The following ZNF234 variants were observed in gnomAD, a reference collection of about 807,000 sequenced individuals.
ZNF234 encodes C2-H2 type zinc finger protein.
ZNF234 carries 4 observed loss-of-function variants against 10.3 expected under a neutral mutation model. That is an observed-to-expected ratio of 0.39 (90% CI 0.19 to 0.89). ZNF234 has a LOEUF of 0.89. Among genes scored for constraint, ZNF234 ranks in the 40% least tolerant of loss-of-function variants. The pLI is 0.38. For missense variants in ZNF234, 711 were observed against 836.1 expected, an observed-to-expected ratio of 0.85 and a Z score of 1.85; for synonymous variants, 258 against 280.1, an observed-to-expected ratio of 0.92 and a Z score of 0.79.
Position 44,157,556 on chromosome 19 carries a change from T to A in ZNF234, c.1540T>A (p.Cys514Ser). 6.2e-7 allele frequency: 1 copy of A among 1,614,160 alleles called. No homozygotes were observed. Among genetic ancestry groups the A allele is most frequent in the Non-Finnish European group, 8.5e-7 (1 of 1,180,034 alleles). Residue 514 changes from cysteine to serine, a missense_variant, in exon 6 of 6, where the codon TGT becomes AGT. Physicochemically the swap from Cys to Ser is moderately radical, Grantham distance 112. Coordinates refer to ENST00000426739, the MANE Select transcript of ZNF234 (RefSeq NM_006630.3). ...CCACACAGGGGAGAAACCATATAAT[T>A]GTGAGGAGTGTGGGAAGGTCTTCAG... ...RIHTGEKPYNCEECGKVFSQA... is the reference protein window; with the variant it reads ...RIHTGEKPYNSEECGKVFSQA...
intron 5 of ZNF234, among the ~76,000 whole-genome samples, chr19:44,151,578 G>C (rs887336985): frequency 2.0e-5 from 3 of 152,162 alleles, no homozygotes; most frequent in African/African-American, 7.2e-5. Flanking sequence ...TTGTCTTTCA[G>C]TTCTTTGTTT....
intron 2 of ZNF234, among the ~76,000 whole-genome samples, chr19:44,144,086 A>T (rs569809768): frequency 1.3e-4 from 20 of 152,120 alleles, no homozygotes; most frequent in Admixed American, 1.2e-3. Context: ...AACTTTGCTG[A>T]GTGTAGTAAT....
At chr19:44,155,009 G>T (rs1176695140) in intron 5 of ZNF234, among the ~76,000 whole-genome samples, 1 of 152,004 alleles carries the variant, frequency 6.6e-6, no homozygotes, top group Non-Finnish European at 1.5e-5. Context: ...TTCCTTAGAG[G>T]TACGTCTTTC....
chr19:44,148,960 G>C (rs1017411564), intron 4 of ZNF234, 63 bp downstream of exon 4: 3 of 1,540,842 alleles, frequency 1.9e-6, no homozygotes, highest in Admixed American at 4.1e-5. Flanking sequence ...TGTCTTCAGG[G>C]GTTCAACACT....
intron 3 of ZNF234, among the ~76,000 whole-genome samples, chr19:44,146,751 A>C (rs1968603901): frequency 6.6e-6 from 1 of 151,682 alleles, no homozygotes; most frequent in South Asian, 2.1e-4. Flanking sequence ...AAAATTTATA[A>C]CCTGCTTTTG....
chr19:44,153,915 T>C (rs184266341), intron 5 of ZNF234, among the ~76,000 whole-genome samples: 4 of 152,328 alleles, frequency 2.6e-5, no homozygotes, highest in African/African-American at 2.4e-5. Context: ...AGTAGGAAAG[T>C]GTAAAACGAG....
chr19:44,143,616 G>GAAAAA (rs61062157), intron 2 of ZNF234, among the ~76,000 whole-genome samples: 1 of 111,898 alleles, frequency 8.9e-6, no homozygotes. Flanking sequence ...CTCAGAAAAA[G>GAAAAA]AAAAAAAAAA....
intron 5 of ZNF234, among the ~76,000 whole-genome samples, chr19:44,152,214 C>G (rs1968758587): frequency 6.6e-6 from 1 of 152,074 alleles, no homozygotes; most frequent in African/African-American, 2.4e-5. Context: ...CTTGCTTGTC[C>G]CCTCTCTCTC....
rs10528022 is a variant in ZNF234 at position 44,153,165 on chromosome 19, CATATATATAT to C, written c.235+2677_235+2686del. On this transcript the variant is annotated intron_variant, in intron 5 of 5. Coordinates refer to ENST00000426739, the MANE Select transcript of ZNF234 (RefSeq NM_006630.3). Reference sequence around the variant, plus strand: ...TTGTTAAATCTAATCATGTATTCATCATATATATATATATATATATATATATGCGCCAAGA... The same window carrying C: ...TTGTTAAATCTAATCATGTATTCATCATATATATATATATATGCGCCAAGA... 2.8e-4 allele frequency among the ~76,000 whole-genome samples: 27 copies of C among 97,872 alleles called. 1 individual carries two copies. The South Asian group carries it at 3.3e-3, about 12-fold the overall frequency. 64.2% of individuals were successfully genotyped at this position (97,872 alleles called of 152,430 possible). A position where few individuals can be genotyped will look rare whatever the true frequency, so the allele number is the denominator to read the frequency against.
chr19:44,152,102 A>T (rs1968757433), intron 5 of ZNF234, among the ~76,000 whole-genome samples: 1 of 152,100 alleles, frequency 6.6e-6, no homozygotes. Context: ...GTCTCTGCTC[A>T]GTTTTAATTT....
In ZNF234 at chr19:44,148,844, G is replaced by A. The variant is rs373117172; in HGVS notation, c.89G>A (p.Arg30Lys). The A allele has an allele frequency of 2.5e-6, 4 of 1,613,898 alleles. No homozygotes were observed. The highest frequency in any genetic ancestry group is 8.5e-7 in the Non-Finnish European group (1 of 1,179,924). Residue 30 changes from arginine (R) to lysine (K), a missense_variant, in exon 4 of 6, where the codon AGG (arginine) becomes AAG (lysine). Arg to Lys is a conservative substitution (Grantham distance 26). Transcript: ENST00000426739. ...EELGLLDPVQ[R>K]NLYQDVMLEN... is the part of the protein sequence containing the mutation. ...CTGGGGCTGCTGGACCCTGTCCAGA[G>A]GAATCTGTACCAAGATGTGATGCTG...
Position 44,147,800 on chromosome 19 carries a change from C to T in ZNF234, c.16-971C>T, listed in dbSNP as rs150143254. Reference sequence around the variant, plus strand: ...CCAGGAGGCAGAGGTTGCAGTGAGCCAAGATTGTGCCATTGCACTCCAGCC... The same window carrying T: ...CCAGGAGGCAGAGGTTGCAGTGAGCTAAGATTGTGCCATTGCACTCCAGCC... On this transcript the variant is annotated intron_variant, in intron 3 of 5. Transcript: ENST00000426739. Among the ~76,000 whole-genome samples, 388 of 151,452 alleles carry T rather than the reference C, an allele frequency of 2.6e-3. 2 individuals are homozygous for T. The highest frequency in any genetic ancestry group is 9.9e-3 in the Admixed American group (151 of 15,254).
chr19:44,158,138 A>G lies in ZNF234; in HGVS notation c.*19A>G, dbSNP rs750020777. The G allele has an allele frequency of 2.5e-5, 39 of 1,576,808 alleles. No individual in the cohort carries two copies. Among genetic ancestry groups the G allele is most frequent in the Non-Finnish European group, 3.2e-5 (37 of 1,167,902 alleles). ...AAGGTGATTAAAAAAAAAAAAACAG[A>G]ACTCATGTACAACCTGAATGCTTGT... On this transcript the variant is annotated 3_prime_UTR_variant, in exon 6 of 6. Coordinates refer to ENST00000426739, the MANE Select transcript of ZNF234 (RefSeq NM_006630.3).
rs980155407 is a variant in ZNF234 at position 44,156,924 on chromosome 19, T to A, written c.908T>A (p.Leu303His). 3.1e-6 allele frequency: 5 copies of A among 1,614,158 alleles called. No individual in the cohort carries two copies. Among genetic ancestry groups the A allele is most frequent in the Non-Finnish European group, 4.2e-6 (5 of 1,180,008 alleles). The change falls in exon 6 of 6, where the codon CTT (leucine) becomes CAT (histidine). Residue 303 changes from leucine (L) to histidine (H), a missense_variant. Physicochemically the swap from Leu to His is moderately conservative, Grantham distance 99 (BLOSUM62 -3). Transcript: ENST00000426739. The part of the protein sequence containing the change: ...CGKNFRRRSA[L>H]NNHCMVHTGE... ...AAGAACTTCCGTCGTAGATCAGCAC[T>A]TAATAATCATTGCATGGTCCACACA...
rs375321003 is a variant in ZNF234 at position 44,158,039 on chromosome 19, G to A, written c.2023G>A (p.Ala675Thr). 98 of 1,613,418 alleles carry A rather than the reference G, an allele frequency of 6.1e-5. No individual in the cohort carries two copies. Among genetic ancestry groups the A allele is most frequent in the Non-Finnish European group, 8.0e-5 (94 of 1,179,840 alleles). Reference protein sequence around the residue: ...SNLVSHHKIHAAGTFYENDEN... With the variant: ...SNLVSHHKIHTAGTFYENDEN... ...TCTTGTAAGTCATCACAAAATTCAT[G>A]CTGCTGGTACATTTTATGAAAATGA... Residue 675 changes from alanine (A) to threonine (T), a missense_variant, in exon 6 of 6, where the codon GCT (alanine) becomes ACT (threonine). Physicochemically the swap from Ala to Thr is moderately conservative, Grantham distance 58. Transcript: ENST00000426739.
chr19:44,143,365 T>A (rs764087695), intron 2 of ZNF234, among the ~76,000 whole-genome samples: 6 of 151,888 alleles, frequency 4.0e-5, no homozygotes, highest in Non-Finnish European at 5.9e-5. Context: ...ATCCCAGCAC[T>A]TTGGGAGGCC....
In ZNF234 at chr19:44,152,411, A is replaced by G. The variant is rs75853592; in HGVS notation, c.235+1906A>G. ...AGGGGTCTTGCAGCTAGGACAGGTCATACACAAACCAAAATGAATGAAGGG... is the reference window on the plus strand; with the variant it reads ...AGGGGTCTTGCAGCTAGGACAGGTCGTACACAAACCAAAATGAATGAAGGG... On this transcript the variant is annotated intron_variant, in intron 5 of 5. Coordinates refer to ENST00000426739, the MANE Select transcript of ZNF234 (RefSeq NM_006630.3). Among the ~76,000 whole-genome samples, 253 of 152,324 alleles carry G rather than the reference A, an allele frequency of 1.7e-3. 2 individuals carry two copies. The highest frequency in any genetic ancestry group is 5.6e-3 in the African/African-American group (234 of 41,582).
Position 44,157,285 on chromosome 19 carries a change from A to C in ZNF234, c.1269A>C (p.Thr423=). 2 of 1,614,004 alleles carry C rather than the reference A, an allele frequency of 1.2e-6. No homozygotes were observed. Among genetic ancestry groups the C allele is most frequent in the Non-Finnish European group, 1.7e-6 (2 of 1,179,914 alleles). The part of the protein sequence containing the change: ...IHYQVHLVVH[T]GEKPYKCEVC... Reference sequence around the variant, plus strand: ...ATCAAGTGCATCTGGTAGTCCACACAGGGGAAAAACCCTATAAATGTGAAG... The same window carrying C: ...ATCAAGTGCATCTGGTAGTCCACACCGGGGAAAAACCCTATAAATGTGAAG... The change falls in exon 6 of 6, where the codon ACA becomes ACC. Residue 423 remains threonine, a synonymous_variant. Coordinates refer to ENST00000426739, the MANE Select transcript of ZNF234 (RefSeq NM_006630.3).
intron 5 of ZNF234, among the ~76,000 whole-genome samples, chr19:44,154,172 A>G (rs1489017526): frequency 6.6e-6 from 1 of 152,192 alleles, no homozygotes; most frequent in Non-Finnish European, 1.5e-5. Flanking sequence ...GGAACCATCC[A>G]TCTCGCTATC....
Sources: gnomAD v4.1 joint callset for allele counts (sites outside exome capture counted in the v4.1 genomes callset) on GRCh38, gnomAD v4.1.1 for gene constraint, MANE v1.5 for transcripts, NCBI Gene and HGNC (gene_info 2026-07-23, HGNC 2026-07-21) for gene names.